Variants in CSMD1 observed in about 807,000 individuals in gnomAD.
CSMD1 encodes CUB and Sushi multiple domains 1.
Under a neutral mutation model 417.5 loss-of-function variants are expected in CSMD1, and 213 were observed. The ratio of observed to expected loss-of-function variants is 0.51; its 90% CI spans 0.46 to 0.57. The LOEUF (loss-of-function observed/expected upper bound fraction) is 0.57, where lower values mean the gene tolerates loss of function less well. CSMD1 is among the 20% of genes least tolerant of loss of function. CSMD1 has a pLI of 0.00. For synonymous variants in CSMD1, 2,862 were observed against 1,736.8 expected, an observed-to-expected ratio of 1.65 and a Z score of -16.11; for missense variants, 6,923 against 4,529.7, an observed-to-expected ratio of 1.53 and a Z score of -15.17.
At chr8:4,160,927 G>A (rs944638188) in intron 3 of CSMD1, among the ~76,000 whole-genome samples, 3 of 152,072 alleles carry the variant, frequency 2.0e-5, no homozygotes, top group African/African-American at 7.2e-5. Context: ...TATTACTTGA[G>A]GCCACTGCAT....
intron 3 of CSMD1, among the ~76,000 whole-genome samples, chr8:4,254,590 C>A (rs1227271179): frequency 6.6e-6 from 1 of 152,160 alleles, no homozygotes; most frequent in Non-Finnish European, 1.5e-5. Context: ...ATTCACTCAC[C>A]ACTCACTTGC....
At chr8:3,435,505 C>G (rs1814499268) in intron 12 of CSMD1, among the ~76,000 whole-genome samples, 1 of 152,078 alleles carries the variant, frequency 6.6e-6, no homozygotes, top group African/African-American at 2.4e-5. Flanking sequence ...ATTCCTGAAG[C>G]CCACTCTGTC....
At chr8:4,991,510 T>A (rs1475979254) in intron 1 of CSMD1, among the ~76,000 whole-genome samples, 1 of 152,118 alleles carries the variant, frequency 6.6e-6, no homozygotes, top group African/African-American at 2.4e-5. Context: ...CATCAAAAAC[T>A]CTGCGCCTGC....
chr8:4,094,790 T>G (rs1800912848), intron 3 of CSMD1, among the ~76,000 whole-genome samples: 1 of 152,148 alleles, frequency 6.6e-6, no homozygotes, highest in Admixed American at 6.5e-5. Context: ...CATGGAGTAC[T>G]GGATAAACAG....
chr8:3,565,289 C>A (rs958655713), intron 10 of CSMD1, among the ~76,000 whole-genome samples: 6 of 151,842 alleles, frequency 4.0e-5, no homozygotes, highest in Non-Finnish European at 5.9e-5. Context: ...GTTGGCCAGG[C>A]GTCCTCCTTT....
chr8:4,647,734 G>A (rs1188676235), intron 1 of CSMD1, among the ~76,000 whole-genome samples: 1 of 152,138 alleles, frequency 6.6e-6, no homozygotes, highest in Non-Finnish European at 1.5e-5. Flanking sequence ...TCCCTGCAAA[G>A]GACATGATCT....
intron 17 of CSMD1, among the ~76,000 whole-genome samples, chr8:3,393,871 G>C (rs1046696547): frequency 1.3e-5 from 2 of 150,972 alleles, no homozygotes; most frequent in African/African-American, 4.9e-5. Context: ...GATAGCATTA[G>C]GAGATATACC....
chr8:4,342,662 A>C (rs1026980206), intron 3 of CSMD1, among the ~76,000 whole-genome samples: 6 of 152,114 alleles, frequency 3.9e-5, no homozygotes, highest in African/African-American at 1.4e-4. Context: ...ATGTGATGCT[A>C]AACATGAACT....
At chr8:3,761,486 T>A (rs950808176) in intron 5 of CSMD1, among the ~76,000 whole-genome samples, 1 of 149,308 alleles carries the variant, frequency 6.7e-6, no homozygotes, top group Admixed American at 6.7e-5. Context: ...AACAGTTCTT[T>A]AATCAAAACG....
At chr8:4,737,353 G>A (rs578229704) in intron 1 of CSMD1, among the ~76,000 whole-genome samples, 1 of 152,086 alleles carries the variant, frequency 6.6e-6, no homozygotes, top group South Asian at 2.1e-4. Flanking sequence ...AGGGTTGGAG[G>A]AGAGAGAGAG....
intron 26 of CSMD1, among the ~76,000 whole-genome samples, chr8:3,267,943 G>A (rs1314773959): frequency 6.6e-6 from 1 of 152,080 alleles, no homozygotes; most frequent in African/African-American, 2.4e-5. Context: ...TCAGAAATGA[G>A]GATTATGCCA....
chr8:2,973,646 G>A (rs997564793), intron 56 of CSMD1, among the ~76,000 whole-genome samples: 3 of 149,062 alleles, frequency 2.0e-5, no homozygotes, highest in African/African-American at 7.5e-5. Context: ...GGGGCTTTAG[G>A]TAAACAGGGA....
intron 3 of CSMD1, among the ~76,000 whole-genome samples, chr8:4,169,295 T>C (rs144423672): frequency 6.6e-5 from 10 of 152,292 alleles, no homozygotes; most frequent in East Asian, 1.9e-4. Flanking sequence ...AAAAGGCAAC[T>C]CCTGATCCTT....
In CSMD1 at chr8:4,861,194, C is replaced by T. The variant is rs539035097; in HGVS notation, c.85+133138G>A. Reference sequence around the variant, plus strand: ...TGATAATAGATTCTGACATTTATCTCAGAGACCTGCTCTAATCTATTTCAT... The same window carrying T: ...TGATAATAGATTCTGACATTTATCTTAGAGACCTGCTCTAATCTATTTCAT... On this transcript the variant is annotated intron_variant, in intron 1 of 69. Transcript: ENST00000635120. 5.3e-5 allele frequency among the ~76,000 whole-genome samples: 8 copies of T among 152,232 alleles called. No homozygotes were observed. In the South Asian group the frequency reaches 1.7e-3, roughly 32 times the overall value.
chr8:3,712,226 G>C (rs115567184), intron 6 of CSMD1, among the ~76,000 whole-genome samples: 4,309 of 152,168 alleles, frequency 0.028, 187 homozygotes, highest in African/African-American at 0.095. Context: ...AAGGTGACTT[G>C]TGGGTCCAGG....
chr8:3,227,077 G>A (rs1798551099), intron 27 of CSMD1, among the ~76,000 whole-genome samples: 1 of 152,110 alleles, frequency 6.6e-6, no homozygotes, highest in Admixed American at 6.6e-5. Flanking sequence ...GCTGATGGCA[G>A]GTTAAATCGG....
At position 3,187,933 on chromosome 8, in the gene CSMD1, G is replaced by C; in HGVS notation, c.5556C>G (p.Asn1852Lys). The change falls in exon 36 of 70, where the codon AAC becomes AAG. Residue 1852 changes from asparagine (N) to lysine (K), a missense_variant. By Grantham distance (94) the Asn-to-Lys change is moderately conservative (BLOSUM62 0). Coordinates refer to ENST00000635120, the MANE Select transcript of CSMD1 (RefSeq NM_033225.6). ...IQVISFATEQNWDSLEIHDGG... is the reference protein window; with the variant it reads ...IQVISFATEQKWDSLEIHDGG... ...CATCGTGGATCTCAAGGGAGTCCCA[G>C]TTCTGCTCCGTGGCAAAACTGATCA... The C allele has an allele frequency of 6.2e-7, 1 of 1,613,282 alleles. No homozygotes were observed. The highest frequency in any genetic ancestry group is 1.7e-5 in the Admixed American group (1 of 59,934).
chr8:3,816,178 T>A (rs531532043), intron 5 of CSMD1, among the ~76,000 whole-genome samples: 1 of 152,180 alleles, frequency 6.6e-6, no homozygotes, highest in Non-Finnish European at 1.5e-5. Flanking sequence ...CTTCCCTCTG[T>A]GCTCTCTGCA....
chr8:3,175,490 TGCCTGCCTG>T (rs1563111600), intron 37 of CSMD1, among the ~76,000 whole-genome samples: 3 of 97,362 alleles, frequency 3.1e-5, no homozygotes, highest in South Asian at 4.4e-4. Context: ...CCTTCCTGCC[TGCCTGCCTG>T]CCTGCCTGCC....
Sources: gnomAD v4.1 joint callset for allele counts (sites outside exome capture counted in the v4.1 genomes callset) on GRCh38, gnomAD v4.1.1 for gene constraint, MANE v1.5 for transcripts, NCBI Gene and HGNC (gene_info 2026-07-23, HGNC 2026-07-21) for gene names.